The following PICALM variants were observed in gnomAD, a reference collection of about 807,000 sequenced individuals.
PICALM encodes phosphatidylinositol-binding clathrin assembly protein.
Under a neutral mutation model 80.5 loss-of-function variants are expected in PICALM, and 40 were observed. The observed-to-expected ratio is 0.50, with a 90% CI of 0.39 to 0.65. PICALM has a LOEUF of 0.65. Ranked by LOEUF, PICALM falls within the 30% of genes least tolerant of loss-of-function variation. The pLI, the probability that PICALM is intolerant of heterozygous loss-of-function variation, is 0.00. For synonymous variants in PICALM, 288 were observed against 260.3 expected (o/e 1.11, Z -1.02); for missense variants, 676 against 778.9 (o/e 0.87, Z 1.57).
chr11:86,050,478 T>C (rs1163541127), intron 1 of PICALM, among the ~76,000 whole-genome samples: 1 of 152,164 alleles, frequency 6.6e-6, no homozygotes, highest in Admixed American at 6.5e-5. Flanking sequence ...ATTAAACAGA[T>C]ACATGCAATT....
At chr11:86,020,036 T>A (rs990685797) in intron 4 of PICALM, among the ~76,000 whole-genome samples, 1 of 152,158 alleles carries the variant, frequency 6.6e-6, no homozygotes, top group African/African-American at 2.4e-5. Flanking sequence ...GGCCTCATCC[T>A]ATATCCTAGG....
At chr11:86,022,305 C>T (rs960575371) in intron 4 of PICALM, 62 bp downstream of exon 4, 1 of 896,116 alleles carries the variant, frequency 1.1e-6, no homozygotes, top group East Asian at 2.5e-5. Context: ...AATCTAGTAA[C>T]TCCTATGTTT....
intron 1 of PICALM, among the ~76,000 whole-genome samples, chr11:86,059,146 A>G (rs1438850881): frequency 6.6e-6 from 1 of 152,238 alleles, no homozygotes; most frequent in Non-Finnish European, 1.5e-5. Context: ...CATAAAAAAT[A>G]TCCTTAAATG....
chr11:85,980,626 GTA>G (rs2094414841), intron 17 of PICALM, among the ~76,000 whole-genome samples: 1 of 151,996 alleles, frequency 6.6e-6, no homozygotes, highest in Admixed American at 6.5e-5. Context: ...ACCGAAGCAA[GTA>G]TAGTTTCTTT....
chr11:85,972,186 T>TA (rs2094133760), intron 19 of PICALM, among the ~76,000 whole-genome samples: 1 of 152,254 alleles, frequency 6.6e-6, no homozygotes, highest in Non-Finnish European at 1.5e-5. Flanking sequence ...TGAAGGTTAT[T>TA]ACCCAAAACT....
intron 4 of PICALM, among the ~76,000 whole-genome samples, chr11:86,017,575 A>G (rs967715486): frequency 6.6e-6 from 1 of 152,236 alleles, no homozygotes; most frequent in Non-Finnish European, 1.5e-5. Context: ...CCTGACAGGA[A>G]AGTACTAATT....
At chr11:85,976,157 C>A (rs1003303968) in intron 18 of PICALM, among the ~76,000 whole-genome samples, 1 of 152,148 alleles carries the variant, frequency 6.6e-6, no homozygotes, top group Non-Finnish European at 1.5e-5. Context: ...CTAAAATGCA[C>A]ATTGTGGCAT....
chr11:86,069,038 C>CT lies in PICALM; in HGVS notation c.-259dup, dbSNP rs2096486503. On this transcript the variant is annotated 5_prime_UTR_variant, in exon 1 of 20. Coordinates refer to ENST00000393346, the MANE Select transcript of PICALM (RefSeq NM_007166.4). ...TTCAGCCCACCCCTTCCCGGGTCAG[C>CT]TGGAGCCGGGCAGGGTAAGAGGAAC... 1 of 443,806 alleles carries CT rather than the reference C, an allele frequency of 2.3e-6. No homozygotes were observed. The highest frequency in any genetic ancestry group is 4.1e-5 in the Admixed American group (1 of 24,600). The allele number at this position is 443,806 out of a possible 1,614,324, so 27.5% of individuals were successfully genotyped here.
chr11:86,042,382 C>T (rs2095988299), intron 1 of PICALM, among the ~76,000 whole-genome samples: 2 of 151,998 alleles, frequency 1.3e-5, no homozygotes, highest in African/African-American at 4.8e-5. Flanking sequence ...AAACTCATCA[C>T]TTAATATAAG....
At chr11:86,038,506 G>C (rs1250647789) in intron 1 of PICALM, among the ~76,000 whole-genome samples, 1 of 152,016 alleles carries the variant, frequency 6.6e-6, no homozygotes, top group Non-Finnish European at 1.5e-5. Flanking sequence ...GTCCTGGCCG[G>C]GCACGGTGGC....
At chr11:86,023,137 G>A (rs1315635275) in intron 3 of PICALM, among the ~76,000 whole-genome samples, 1 of 152,122 alleles carries the variant, frequency 6.6e-6, no homozygotes. Context: ...AAAACTTTGT[G>A]TTTTAGTTAT....
intron 1 of PICALM, among the ~76,000 whole-genome samples, chr11:86,046,198 G>A (rs2137184287): frequency 6.6e-6 from 1 of 152,152 alleles, no homozygotes; most frequent in Admixed American, 6.5e-5. Flanking sequence ...CTGAAGTTCT[G>A]CTCTAGACTC....
At position 85,974,819 on chromosome 11, in the gene PICALM, A is replaced by C. The variant is rs201403951; in HGVS notation, c.1840-7T>G. ...CACTTCCCATTTGTGGAGGCTAAAA[A>C]AGAGAAAAATATCAAAAGATACTGA... On this transcript the variant is annotated splice_polypyrimidine_tract_variant and splice_region_variant and intron_variant, in intron 18 of 19. Coordinates refer to ENST00000393346, the MANE Select transcript of PICALM (RefSeq NM_007166.4). The C allele has an allele frequency of 8.2e-6, 13 of 1,582,006 alleles. No individual in the cohort carries two copies. Among genetic ancestry groups the C allele is most frequent in the Non-Finnish European group, 1.1e-5 (13 of 1,150,904 alleles).
chr11:85,974,175 A>C (rs1352377361), intron 19 of PICALM, among the ~76,000 whole-genome samples: 1 of 152,214 alleles, frequency 6.6e-6, no homozygotes, highest in East Asian at 1.9e-4. Flanking sequence ...GGATTAAACC[A>C]TCTAAGTTTA....
At chr11:86,068,626 G>A in intron 1 of PICALM, 25 bp downstream of exon 1, 1 of 1,595,004 alleles carries the variant, frequency 6.3e-7, no homozygotes, top group Non-Finnish European at 8.5e-7. Flanking sequence ...GCCGGGGAGC[G>A]GGGGCCGCGG....
chr11:85,962,853 A>G (rs542492013), intron 19 of PICALM, among the ~76,000 whole-genome samples: 2 of 152,360 alleles, frequency 1.3e-5, no homozygotes, highest in African/African-American at 4.8e-5. Context: ...AGTGGGACAT[A>G]CAGCAGCCCC....
In PICALM at chr11:85,979,206, T is replaced by C. The variant is rs536642605; in HGVS notation, c.1779+1923A>G. ...TGCAAAGTTTTAAAATCAGTGATGA[T>C]AGGCTGGGCGTGGTAGCTCAGGCCT... On this transcript the variant is annotated intron_variant, in intron 17 of 19. Transcript: ENST00000393346. 9.2e-4 allele frequency among the ~76,000 whole-genome samples: 140 copies of C among 152,276 alleles called. 2 individuals carry two copies. Among genetic ancestry groups the C allele is most frequent in the Admixed American group, 8.8e-3 (135 of 15,294 alleles).
chr11:86,062,314 C>T (rs1238367705), intron 1 of PICALM, among the ~76,000 whole-genome samples: 2 of 152,066 alleles, frequency 1.3e-5, no homozygotes, highest in Admixed American at 6.5e-5. Flanking sequence ...GTCAGGAGCT[C>T]GAGACCAGCC....
chr11:85,988,779 T>C (rs1235200787), intron 13 of PICALM, among the ~76,000 whole-genome samples: 1 of 152,092 alleles, frequency 6.6e-6, no homozygotes, highest in Non-Finnish European at 1.5e-5. Context: ...TTCTTCAAAT[T>C]ACAACTTGCT....
Sources: allele counts gnomAD v4.1 joint callset (sites outside exome capture counted in the v4.1 genomes callset), GRCh38; gene constraint gnomAD v4.1.1; transcripts MANE v1.5; gene names NCBI Gene and HGNC (gene_info 2026-07-23, HGNC 2026-07-21).